ZNF793: variants seen among roughly 807,000 people sequenced by gnomAD.
ZNF793 encodes the protein zinc finger protein 793.
In ZNF793, 5 loss-of-function variants were observed where a neutral mutation model predicts 12.4. That is an observed-to-expected ratio of 0.40 (90% CI 0.21 to 0.84). The LOEUF is 0.84. ZNF793 is among the 40% of genes least tolerant of loss of function. The pLI is 0.35. For missense variants in ZNF793, 456 were observed against 495.0 expected, an observed-to-expected ratio of 0.92 and a Z score of 0.75; for synonymous variants, 162 against 172.4, an observed-to-expected ratio of 0.94 and a Z score of 0.47.
intron 5 of ZNF793, among the ~76,000 whole-genome samples, chr19:37,530,110 G>A (rs1223009567): frequency 6.6e-6 from 1 of 152,086 alleles, no homozygotes; most frequent in Non-Finnish European, 1.5e-5. Context: ...TAAGTGCTGT[G>A]CTTTAGATAT....
chr19:37,542,275 C>T lies in ZNF793; in HGVS notation c.*4396C>T, dbSNP rs535109896. ...GGGCATGGTGGCAGGCACCTGTGAT[C>T]CCAGCTACTCGGGAGGCTGAGGCAG... On this transcript the variant is annotated 3_prime_UTR_variant, in exon 8 of 8. Coordinates refer to ENST00000627814, the MANE Select transcript of ZNF793 (RefSeq NM_001013659.3). 2 of 198,814 alleles carry T rather than the reference C, an allele frequency of 1.0e-5. No individual in the cohort carries two copies. Among genetic ancestry groups the T allele is most frequent in the Admixed American group, 5.3e-5 (1 of 18,734 alleles). The allele number at this position is 198,814 out of a possible 1,614,324, so 12.3% of individuals were successfully genotyped here.
intron 5 of ZNF793, among the ~76,000 whole-genome samples, chr19:37,529,041 T>C (rs953772710): frequency 6.6e-6 from 1 of 152,148 alleles, no homozygotes; most frequent in African/African-American, 2.4e-5. Flanking sequence ...TGTGGCGCCA[T>C]CATCACCCGG....
At chr19:37,517,169 TA>T (rs2042339016) in intron 2 of ZNF793, among the ~76,000 whole-genome samples, 1 of 152,122 alleles carries the variant, frequency 6.6e-6, no homozygotes, top group Non-Finnish European at 1.5e-5. Flanking sequence ...TGTTTTTAAA[TA>T]AAAAAGGAAA....
At chr19:37,523,537 T>C in intron 5 of ZNF793, 83 bp downstream of exon 5, 2 of 1,300,028 alleles carry the variant, frequency 1.5e-6, no homozygotes, top group Non-Finnish European at 1.1e-6. Flanking sequence ...TGTAAGTATG[T>C]ACAGTTTGTA....
chr19:37,539,726 AAACTT>A lies in ZNF793; in HGVS notation c.*1850_*1854del, dbSNP rs1237680174. ...AAGAGGAGGTGGATGCTTTTCTAAT[AAACTT>A]AAGTTATGAAAACTGCAATAAGAAG... On this transcript the variant is annotated 3_prime_UTR_variant, in exon 8 of 8. Coordinates refer to ENST00000627814, the MANE Select transcript of ZNF793 (RefSeq NM_001013659.3). The A allele has an allele frequency of 1.3e-5, 2 of 152,216 alleles. No individual in the cohort carries two copies. Among genetic ancestry groups the A allele is most frequent in the Non-Finnish European group, 2.9e-5 (2 of 68,034 alleles). The allele number at this position is 152,216 out of a possible 1,614,324, so 9.4% of individuals were successfully genotyped here.
intron 5 of ZNF793, among the ~76,000 whole-genome samples, chr19:37,530,053 A>G (rs1036363152): frequency 6.6e-6 from 1 of 152,030 alleles, no homozygotes; most frequent in Non-Finnish European, 1.5e-5. Context: ...AGGTCAGCAG[A>G]TAAACACGTG....
rs1035564284 is a variant in ZNF793, at chr19:37,541,120, CT to C, written c.*3246del. On this transcript the variant is annotated 3_prime_UTR_variant, in exon 8 of 8. Transcript: ENST00000627814. ...AGAAATAGACTTCGATATATATGAA[CT>C]TTTTCATATGTGAAAAAGGTGAAAT... 2.6e-5 allele frequency: 4 copies of C among 152,116 alleles called. No individual in the cohort carries two copies. Among genetic ancestry groups the C allele is most frequent in the African/African-American group, 4.8e-5 (2 of 41,518 alleles). 9.4% of individuals were successfully genotyped at this position (152,116 alleles called of 1,614,324 possible).
intron 2 of ZNF793, among the ~76,000 whole-genome samples, chr19:37,509,196 C>T (rs939913903): frequency 6.6e-6 from 1 of 152,176 alleles, no homozygotes; most frequent in African/African-American, 2.4e-5. Context: ...GAATAATGTA[C>T]ATTGTACCAA....
chr19:37,533,143 TGA>T (rs1429731438), intron 6 of ZNF793, among the ~76,000 whole-genome samples, 163 bp from the exon 7 acceptor site: 2 of 152,160 alleles, frequency 1.3e-5, no homozygotes, highest in African/African-American at 4.8e-5. Flanking sequence ...GGGTGTGGCT[TGA>T]GTTTCCATGG....
Position 37,536,900 on chromosome 19 carries a change from A to C in ZNF793, c.242A>C (p.Asp81Ala). The C allele has an allele frequency of 6.3e-7, 1 of 1,597,556 alleles. No homozygotes were observed. Among genetic ancestry groups the C allele is most frequent in the Non-Finnish European group, 8.5e-7 (1 of 1,174,532 alleles). Residue 81 changes from aspartate (D) to alanine (A), a missense_variant, in exon 8 of 8, where the codon GAC (aspartate) becomes GCC (alanine). Asp to Ala is a moderately radical substitution (Grantham distance 126). Coordinates refer to ENST00000627814, the MANE Select transcript of ZNF793 (RefSeq NM_001013659.3). ...TGATTCACTGTACTTTCTCCAGAAG[A>C]CATCTGGCGAGTTAATATCCAGAGG... ...AACPGCHCWE[D>A]IWRVNIQRKR...
intron 2 of ZNF793, among the ~76,000 whole-genome samples, chr19:37,516,726 A>G (rs1253708789): frequency 6.6e-6 from 1 of 151,830 alleles, no homozygotes; most frequent in East Asian, 1.9e-4. Flanking sequence ...AGCTCACTGT[A>G]ACCTCCACCT....
At chr19:37,515,724 T>C (rs1339744337) in intron 2 of ZNF793, among the ~76,000 whole-genome samples, 1 of 152,214 alleles carries the variant, frequency 6.6e-6, no homozygotes, top group African/African-American at 2.4e-5. Context: ...TTGGAGTACC[T>C]GTGTGAAAGC....
chr19:37,521,546 G>A (rs867289761), intron 3 of ZNF793, among the ~76,000 whole-genome samples: 12 of 150,736 alleles, frequency 8.0e-5, no homozygotes, highest in African/African-American at 2.7e-4. Flanking sequence ...AGGGATCAAG[G>A]GATTCTCCTG....
At chr19:37,519,280 T>A (rs559428760) in intron 2 of ZNF793, among the ~76,000 whole-genome samples, 1 of 152,038 alleles carries the variant, frequency 6.6e-6, no homozygotes, top group East Asian at 1.9e-4. Context: ...ACAAAAAAAA[T>A]TCTGATATAA....
chr19:37,531,603 C>T (rs2042461637), intron 5 of ZNF793, among the ~76,000 whole-genome samples: 1 of 152,226 alleles, frequency 6.6e-6, no homozygotes, highest in Non-Finnish European at 1.5e-5. Context: ...TGCAGTTTTC[C>T]ATCTTCCTGC....
chr19:37,537,148 G>C lies in ZNF793; in HGVS notation c.490G>C (p.Asp164His). The C allele has an allele frequency of 6.2e-7, 1 of 1,613,550 alleles. No individual in the cohort carries two copies. Among genetic ancestry groups the C allele is most frequent in the Non-Finnish European group, 8.5e-7 (1 of 1,179,624 alleles). ...TAAGAGAAACTGTGCAAAAAAGCAA[G>C]ATGAGTGTTATGCTTATGGGAAATT... ...GFKRNCAKKQ[D>H]ECYAYGKLLQ... is the part of the protein sequence containing the mutation. Residue 164 changes from aspartate (D) to histidine (H), a missense_variant, in exon 8 of 8, where the codon GAT becomes CAT. Transcript: ENST00000627814.
At chr19:37,515,401 G>A (rs1040189318) in intron 2 of ZNF793, among the ~76,000 whole-genome samples, 7 of 151,330 alleles carry the variant, frequency 4.6e-5, no homozygotes, top group South Asian at 2.1e-4. Context: ...TCCGCTTCCC[G>A]GGTCCACGCC....
At chr19:37,526,271 C>G (rs11083426) in intron 5 of ZNF793, among the ~76,000 whole-genome samples, 37,201 of 152,114 alleles carry the variant, frequency 0.24, 5,218 homozygotes, top group East Asian at 0.62. Context: ...TGCCACTATG[C>G]CCAGCTAATT....
At chr19:37,532,265 A>G (rs945225716) in intron 5 of ZNF793, 91 bp from the exon 6 acceptor site, 2 of 1,474,834 alleles carry the variant, frequency 1.4e-6, no homozygotes, top group Non-Finnish European at 1.8e-6. Context: ...TGGCCTCCCA[A>G]AGTGCTGGGA....
Sources: gnomAD v4.1 joint callset for allele counts (sites outside exome capture counted in the v4.1 genomes callset) on GRCh38, gnomAD v4.1.1 for gene constraint, MANE v1.5 for transcripts, NCBI Gene and HGNC (gene_info 2026-07-23, HGNC 2026-07-21) for gene names.